The following EIF5 variants were observed in gnomAD, a reference collection of about 807,000 sequenced individuals.
EIF5 encodes eukaryotic translation initiation factor 5.
In EIF5, 10 loss-of-function variants were observed where a neutral mutation model predicts 48.3. The ratio of observed to expected loss-of-function variants is 0.21; its 90% confidence interval spans 0.13 to 0.35. EIF5 has a LOEUF of 0.35. Ranked by LOEUF, EIF5 falls within the 10% of genes least tolerant of loss-of-function variation. EIF5 has a pLI of 1.00. For synonymous variants in EIF5, 237 were observed against 173.1 expected, an observed-to-expected ratio of 1.37 and a Z score of -2.90; for missense variants, 397 against 533.2, an observed-to-expected ratio of 0.74 and a Z score of 2.51.
rs770491759 is a variant in EIF5 at position 103,335,871 on chromosome 14, A to G, written c.11A>G (p.Asn4Ser). The G allele has an allele frequency of 6.2e-6, 10 of 1,614,198 alleles. No individual in the cohort carries two copies. The highest frequency in any genetic ancestry group is 1.3e-5 in the African/African-American group (1 of 75,050). Reference sequence around the variant, plus strand: ...CACTAATAAGCCAAAATGTCTGTCAATGTCAACCGCAGCGTGTCAGACCAG... The same window carrying G: ...CACTAATAAGCCAAAATGTCTGTCAGTGTCAACCGCAGCGTGTCAGACCAG... MSV[N>S]VNRSVSDQFY... is the part of the protein sequence containing the mutation. Residue 4 changes from asparagine to serine, a missense_variant, in exon 3 of 12, where the codon AAT becomes AGT. Coordinates refer to ENST00000216554, the MANE Select transcript of EIF5 (RefSeq NM_001969.5).
chr14:103,336,255 C>A (rs2089284429), intron 4 of EIF5, 138 bp downstream of exon 4: 2 of 916,858 alleles, frequency 2.2e-6, no homozygotes, highest in Non-Finnish European at 3.3e-6. Flanking sequence ...TATTGGTTGC[C>A]ATGAGTTTAC....
intron 6 of EIF5, chr14:103,338,061 G>A: frequency 1.7e-6 from 1 of 588,240 alleles, no homozygotes; most frequent in Admixed American, 2.3e-5. Flanking sequence ...TCTCCCTAGT[G>A]GAGGCATCAT....
rs1332157687 is a variant in EIF5 at position 103,342,389 on chromosome 14, C to G, written c.*1337C>G. On this transcript the variant is annotated 3_prime_UTR_variant, in exon 12 of 12. Transcript: ENST00000216554. ...ATGAACTCCTTGCCTGATCTAAACT[C>G]ATATTATGGGTTCTGACTGTTTGAG... The G allele has an allele frequency of 1.3e-5, 2 of 152,202 alleles. No individual in the cohort carries two copies. Among genetic ancestry groups the G allele is most frequent in the Non-Finnish European group, 2.9e-5 (2 of 68,042 alleles). The allele number at this position is 152,202 out of a possible 1,614,324, so 9.4% of individuals were successfully genotyped here.
In EIF5 at chr14:103,338,331, T is replaced by C; in HGVS notation, c.444T>C (p.Asn148=). The C allele has an allele frequency of 1.1e-5, 17 of 1,613,416 alleles. No individual in the cohort carries two copies. Among genetic ancestry groups the C allele is most frequent in the Non-Finnish European group, 1.4e-5 (17 of 1,179,838 alleles). The change falls in exon 7 of 12, where the codon AAT becomes AAC. Residue 148 remains asparagine (N), a synonymous_variant. Transcript: ENST00000216554. ...TATTTCCCTTTTTTTCTGTAGAGAATAGTGACAGTGGTACAGGAAAGAAAG... is the reference window on the plus strand; with the variant it reads ...TATTTCCCTTTTTTTCTGTAGAGAACAGTGACAGTGGTACAGGAAAGAAAG... ...CTFILKNPPE[N]SDSGTGKKEK...
intron 3 of EIF5, 25 bp from the exon 4 acceptor site, chr14:103,336,011 C>G (rs780569455): frequency 3.1e-6 from 5 of 1,613,748 alleles, no homozygotes; most frequent in Non-Finnish European, 3.4e-6. Flanking sequence ...GGAAACTGCA[C>G]AACTAAAATT....
At chr14:103,336,409 T>C in intron 4 of EIF5, 2 of 555,968 alleles carry the variant, frequency 3.6e-6, no homozygotes, top group African/African-American at 1.9e-5. Context: ...AGTGAAATCC[T>C]GAGTCTACTA....
At chr14:103,338,173 GA>G (rs1384776796) in intron 6 of EIF5, 153 bp from the exon 7 acceptor site, 7 of 1,027,464 alleles carry the variant, frequency 6.8e-6, no homozygotes, top group Non-Finnish European at 1.0e-5. Flanking sequence ...TGATGAATTT[GA>G]TCTGTGAAGC....
rs754798567 is a variant in EIF5, at chr14:103,338,909, G to C, written c.744+16G>C. 5.0e-6 allele frequency: 8 copies of C among 1,610,790 alleles called. No homozygotes were observed. Among genetic ancestry groups the C allele is most frequent in the South Asian group, 1.1e-5 (1 of 90,498 alleles). Reference sequence around the variant, plus strand: ...TTTTGTTAAGGTAAAACATTTGCTTGGTCTGTAAATCAGCTTCAACCCAGC... The same window carrying C: ...TTTTGTTAAGGTAAAACATTTGCTTCGTCTGTAAATCAGCTTCAACCCAGC... On this transcript the variant is annotated intron_variant, in intron 8 of 11. Transcript: ENST00000216554.
At chr14:103,335,206 C>G (rs1483824839) in intron 2 of EIF5, 1 of 149,328 alleles carries the variant, frequency 6.7e-6, no homozygotes, top group Non-Finnish European at 1.5e-5. Flanking sequence ...GTTGCCGAAG[C>G]AACGATTAGT....
In EIF5 at chr14:103,335,634, C is replaced by G. The variant is rs568359467; in HGVS notation, c.-208-19C>G. 19 of 564,574 alleles carry G rather than the reference C, an allele frequency of 3.4e-5. 1 individual carries two copies. In the Admixed American group the frequency reaches 4.4e-4, roughly 13 times the overall value. The allele number at this position is 564,574 out of a possible 1,614,324, so 35.0% of individuals were successfully genotyped here. ...AAACCTGGGGGGATTTTTGTGTGTT[C>G]TTTCCCTTTTTCTTTCAGAGCTGTT... On this transcript the variant is annotated intron_variant, in intron 2 of 11. Coordinates refer to ENST00000216554, the MANE Select transcript of EIF5 (RefSeq NM_001969.5).
rs1385129736 is a variant in EIF5, at chr14:103,338,314, T to C, written c.440-13T>C. ...TTATGGGGTTAAATTTTTATTTCCC[T>C]TTTTTTCTGTAGAGAATAGTGACAG... On this transcript the variant is annotated splice_polypyrimidine_tract_variant and intron_variant, in intron 6 of 11. Transcript: ENST00000216554. The C allele has an allele frequency of 1.9e-6, 3 of 1,607,224 alleles. No individual in the cohort carries two copies. The highest frequency in any genetic ancestry group is 1.7e-5 in the Admixed American group (1 of 58,148).
At chr14:103,336,605 C>T (rs1026039095) in intron 4 of EIF5, 72 bp from the exon 5 acceptor site, 47 of 1,421,684 alleles carry the variant, frequency 3.3e-5, no homozygotes, top group East Asian at 1.2e-4. Context: ...AAGTGGTGTT[C>T]GTACAAATGT....
chr14:103,339,863 G>C, intron 10 of EIF5, 60 bp downstream of exon 10: 1 of 1,551,390 alleles, frequency 6.4e-7, no homozygotes. Flanking sequence ...TTTTTGTTTG[G>C]TTGATTGTTT....
chr14:103,337,240 T>C lies in EIF5; in HGVS notation c.439+13T>C, dbSNP rs1350787604. The C allele has an allele frequency of 9.4e-6, 15 of 1,588,430 alleles. No homozygotes were observed. Among genetic ancestry groups the C allele is most frequent in the Non-Finnish European group, 1.3e-5 (15 of 1,164,094 alleles). On this transcript the variant is annotated intron_variant, in intron 6 of 11. Coordinates refer to ENST00000216554, the MANE Select transcript of EIF5 (RefSeq NM_001969.5). ...AAAAACCCACCTGGTGAGTCTTCCA[T>C]GATGAACTCCTAAGATCCTAAGATA...
chr14:103,336,338 T>C (rs1040041971), intron 4 of EIF5, among the ~76,000 whole-genome samples: 3 of 152,180 alleles, frequency 2.0e-5, no homozygotes, highest in African/African-American at 7.2e-5. Flanking sequence ...CCCCCAGCAC[T>C]TTGGAAGGCT....
At position 103,341,792 on chromosome 14, in the gene EIF5, T is replaced by C. The variant is rs745629162; in HGVS notation, c.*740T>C. 2 of 152,628 alleles carry C rather than the reference T, an allele frequency of 1.3e-5. No individual in the cohort carries two copies. The highest frequency in any genetic ancestry group is 2.4e-5 in the African/African-American group (1 of 41,464). The allele number at this position is 152,628 out of a possible 1,614,324, so 9.5% of individuals were successfully genotyped here. On this transcript the variant is annotated 3_prime_UTR_variant, in exon 12 of 12. Transcript: ENST00000216554. Reference sequence around the variant, plus strand: ...ACGTTGGATGAGCCAGGGAAATTATTACATTAACAAGCATTTTGTGTGTAC... The same window carrying C: ...ACGTTGGATGAGCCAGGGAAATTATCACATTAACAAGCATTTTGTGTGTAC...
chr14:103,338,917 A>C, intron 8 of EIF5, 24 bp downstream of exon 8: 1 of 1,609,200 alleles, frequency 6.2e-7, no homozygotes. Flanking sequence ...TTGGTCTGTA[A>C]ATCAGCTTCA....
chr14:103,342,514 TACCATTC>T lies in EIF5; in HGVS notation c.*1466_*1472del, dbSNP rs1467073910. The T allele has an allele frequency of 2.6e-5, 4 of 152,240 alleles. No homozygotes were observed. The highest frequency in any genetic ancestry group is 2.6e-4 in the Admixed American group (4 of 15,282). 9.4% of individuals were successfully genotyped at this position (152,240 alleles called of 1,614,324 possible). On this transcript the variant is annotated 3_prime_UTR_variant, in exon 12 of 12. Coordinates refer to ENST00000216554, the MANE Select transcript of EIF5 (RefSeq NM_001969.5). ...GGGTTAATTTTGGAGCAGTGGCTTA[TACCATTC>T]ACCTCTGTTTTTTTGTGATTATTTC... is the stretch of plus-strand genomic sequence containing the variant.
Position 103,334,249 on chromosome 14 carries a change from A to G in EIF5, c.-429A>G, listed in dbSNP as rs1303460446. On this transcript the variant is annotated 5_prime_UTR_variant, in exon 1 of 12. Transcript: ENST00000216554. ...GGCGGCGTTGTTCAGTCAGAGCGAG[A>G]ACATTCCAGAGGTGAGTCCGGTGAA... 2.6e-5 allele frequency: 4 copies of G among 152,440 alleles called. No individual in the cohort carries two copies. The highest frequency in any genetic ancestry group is 5.8e-5 in the Non-Finnish European group (4 of 68,500). The allele number at this position is 152,440 out of a possible 1,614,324, so 9.4% of individuals were successfully genotyped here.
Sources: gnomAD v4.1 joint callset for allele counts (sites outside exome capture counted in the v4.1 genomes callset) on GRCh38, gnomAD v4.1.1 for gene constraint, MANE v1.5 for transcripts, NCBI Gene and HGNC (gene_info 2026-07-23, HGNC 2026-07-21) for gene names.